Variants in BEND3 observed in about 807,000 individuals in gnomAD.
BEND3 encodes the protein BEN domain-containing protein 3.
A neutral mutation model predicts 60.1 loss-of-function variants in BEND3; 13 were observed. The ratio of observed to expected loss-of-function variants is 0.22; its 90% CI spans 0.14 to 0.34. BEND3 has a LOEUF of 0.34. BEND3 is among the 10% of genes least tolerant of loss of function. The pLI, the probability that BEND3 is intolerant of heterozygous loss-of-function variation, is 1.00. For synonymous variants in BEND3, 497 were observed against 491.5 expected, an observed-to-expected ratio of 1.01 and a Z score of -0.15; for missense variants, 896 against 1,138.1, an observed-to-expected ratio of 0.79 and a Z score of 3.06.
At chr6:107,075,418 C>G (rs1189001881) in intron 3 of BEND3, among the ~76,000 whole-genome samples, 2 of 152,164 alleles carry the variant, frequency 1.3e-5, no homozygotes, top group African/African-American at 4.8e-5. Context: ...TGATTTATAA[C>G]TGTGGGTCAC....
chr6:107,102,489 C>T (rs1775722393), intron 1 of BEND3, among the ~76,000 whole-genome samples: 1 of 152,202 alleles, frequency 6.6e-6, no homozygotes, highest in South Asian at 2.1e-4. Flanking sequence ...CCCCAGAGGG[C>T]TCATGCAGCT....
chr6:107,091,142 A>T (rs1255370935), intron 3 of BEND3, among the ~76,000 whole-genome samples: 1 of 152,088 alleles, frequency 6.6e-6, no homozygotes, highest in Non-Finnish European at 1.5e-5. Context: ...TGAAAACTCA[A>T]TTTACCAAAA....
rs911665395 is a variant in BEND3 at position 107,067,185 on chromosome 6, C to T, written c.*1519G>A. 7 of 152,112 alleles carry T rather than the reference C, an allele frequency of 4.6e-5. No homozygotes were observed. The South Asian group carries it at 1.2e-3, about 27-fold the overall frequency. The allele number at this position is 152,112 out of a possible 1,614,324, so 9.4% of individuals were successfully genotyped here. Reference sequence around the variant, plus strand: ...TTCTTATCAGCTGAATGAAGAAAATCCAGATTGTTTCTGTTATCTCTGCAT... The same window carrying T: ...TTCTTATCAGCTGAATGAAGAAAATTCAGATTGTTTCTGTTATCTCTGCAT... On this transcript the variant is annotated 3_prime_UTR_variant, in exon 4 of 4. Transcript: ENST00000369042.
Position 107,069,135 on chromosome 6 carries a change from C to T in BEND3, c.2056G>A (p.Gly686Arg), listed in dbSNP as rs1214785199. The T allele has an allele frequency of 6.2e-7, 1 of 1,612,564 alleles. No individual in the cohort carries two copies. The highest frequency in any genetic ancestry group is 8.5e-7 in the Non-Finnish European group (1 of 1,179,998). The part of the protein sequence containing the change: ...NPERFREEFE[G>R]PPLPPERSSK... ...CTCCTCTCGGGGGGCAGTGGGGGCC[C>T]CTCAAACTCCTCCCGGAACCTCTCG... Residue 686 changes from glycine (G) to arginine (R), a missense_variant, in exon 4 of 4, where the codon GGG (glycine) becomes AGG (arginine). Coordinates refer to ENST00000369042, the MANE Select transcript of BEND3 (RefSeq NM_001367314.1).
intron 1 of BEND3, among the ~76,000 whole-genome samples, chr6:107,102,193 A>G (rs1775715224): frequency 6.6e-6 from 1 of 152,210 alleles, no homozygotes; most frequent in African/African-American, 2.4e-5. Context: ...TTTATCTGCC[A>G]TTATATTCGC....
intron 1 of BEND3, among the ~76,000 whole-genome samples, chr6:107,109,986 G>A (rs1394533423): frequency 1.3e-5 from 2 of 150,434 alleles, no homozygotes; most frequent in South Asian, 2.1e-4. Context: ...AGCTGTGATC[G>A]TGCCACTGCA....
intron 1 of BEND3, among the ~76,000 whole-genome samples, chr6:107,107,737 C>T (rs1286515991): frequency 1.3e-5 from 2 of 152,226 alleles, no homozygotes; most frequent in Non-Finnish European, 2.9e-5. Context: ...TCTGGGATTA[C>T]AGGTGTGAGC....
chr6:107,065,961 T>C lies in BEND3; in HGVS notation c.*2743A>G, dbSNP rs1269296095. The C allele has an allele frequency of 3.3e-5, 5 of 152,512 alleles. No homozygotes were observed. The highest frequency in any genetic ancestry group is 7.3e-5 in the Non-Finnish European group (5 of 68,036). 9.4% of individuals were successfully genotyped at this position (152,512 alleles called of 1,614,324 possible). A position where few individuals can be genotyped will look rare whatever the true frequency, so the allele number is the denominator to read the frequency against. ...AAGGGGGATGCGAACACTCAGTACA[T>C]TCGTGACTATCTTCATACATTCTTT... On this transcript the variant is annotated 3_prime_UTR_variant, in exon 4 of 4. Transcript: ENST00000369042.
intron 1 of BEND3, among the ~76,000 whole-genome samples, chr6:107,102,177 A>G (rs1382854719): frequency 6.6e-6 from 1 of 152,164 alleles, no homozygotes; most frequent in Admixed American, 6.6e-5. Context: ...TGAGAAGGGC[A>G]GTCTATTTAT....
rs1775448669 is a variant in BEND3, at chr6:107,090,309, A to G, written c.240+8242T>C. Among the ~76,000 whole-genome samples the G allele has an allele frequency of 2.6e-5, 4 of 152,274 alleles. No homozygotes were observed. In the South Asian group the frequency reaches 8.3e-4, roughly 32 times the overall value. ...GGTCGCACTGAGCCAAGATCGCACC[A>G]CTGCACTCCAGCCTGGACGACAGAG... On this transcript the variant is annotated intron_variant, in intron 3 of 3. Coordinates refer to ENST00000369042, the MANE Select transcript of BEND3 (RefSeq NM_001367314.1).
intron 3 of BEND3, among the ~76,000 whole-genome samples, chr6:107,097,324 G>A (rs1317212171): frequency 6.6e-6 from 1 of 151,204 alleles, no homozygotes. Flanking sequence ...CCAAGATCGC[G>A]CCATTGCACT....
rs1774944094 is a variant in BEND3, at chr6:107,070,320, A to G, written c.871T>C (p.Cys291Arg). 1.2e-6 allele frequency: 2 copies of G among 1,612,984 alleles called. No homozygotes were observed. The highest frequency in any genetic ancestry group is 1.3e-5 in the African/African-American group (1 of 74,932). ...AGCTTGCGCTTGGCCGCAAAGCCAC[A>G]GGCACTGCAGCCCCGGGAGAAGTCC... Reference protein sequence around the residue: ...DVDFSRGCSACGFAAKRKLES... With the variant: ...DVDFSRGCSARGFAAKRKLES... The change falls in exon 4 of 4, where the codon TGT becomes CGT. Residue 291 changes from cysteine to arginine, a missense_variant. This residue lies in a region of BEND3 where 846 missense variants were observed against 1,036.7 expected (regional missense o/e 0.82). Transcript: ENST00000369042. This position sits in a 1 kb window ranked among gnomAD's most constrained non-coding sequence, Gnocchi z 6.9.
chr6:107,068,647 A>C lies in BEND3; in HGVS notation c.*57T>G. On this transcript the variant is annotated 3_prime_UTR_variant, in exon 4 of 4. Transcript: ENST00000369042. This position sits in a 1 kb window ranked among gnomAD's most constrained non-coding sequence, Gnocchi z 5.8. ...TGCTCCCAAGTATTGCTCAGTCCCA[A>C]GGGTGCCCATCGCTCAGCCTCTGGT... 6.4e-7 allele frequency: 1 copy of C among 1,567,424 alleles called. No homozygotes were observed. The highest frequency in any genetic ancestry group is 8.7e-7 in the Non-Finnish European group (1 of 1,155,612).
chr6:107,108,889 C>CT (rs1175561463), intron 1 of BEND3, among the ~76,000 whole-genome samples: 1 of 152,162 alleles, frequency 6.6e-6, no homozygotes, highest in Admixed American at 6.5e-5. Flanking sequence ...CTCTGCAACT[C>CT]TGCATCCCGC....
intron 1 of BEND3, among the ~76,000 whole-genome samples, chr6:107,099,911 C>T (rs1554236556): frequency 2.0e-5 from 3 of 151,836 alleles, no homozygotes; most frequent in African/African-American, 7.3e-5. Context: ...CTCTTTTCAC[C>T]CTGGCTGGAG....
rs1303700038 is a variant in BEND3, at chr6:107,070,432, G to C, written c.759C>G (p.Leu253=). 1 of 1,614,104 alleles carries C rather than the reference G, an allele frequency of 6.2e-7. No individual in the cohort carries two copies. The highest frequency in any genetic ancestry group is 8.5e-7 in the Non-Finnish European group (1 of 1,180,030). The change falls in exon 4 of 4, where the codon CTC becomes CTG. Residue 253 remains leucine (L), a synonymous_variant. Transcript: ENST00000369042. The surrounding 1 kb of genome is among the most constrained non-coding windows in gnomAD (Gnocchi z 6.9). The part of the protein sequence containing the change: ...PPEYQLTAAE[L]KQIVDQSLSG... ...ACAGGCTCTGGTCCACGATCTGCTT[G>C]AGCTCTGCGGCTGTGAGCTGGTACT...
chr6:107,078,104 A>G (rs1240842291), intron 3 of BEND3, among the ~76,000 whole-genome samples: 2 of 152,258 alleles, frequency 1.3e-5, no homozygotes, highest in African/African-American at 2.4e-5. Flanking sequence ...GAGGTGCCAA[A>G]TAAGTCTTTA....
chr6:107,097,375 A>G (rs1775607335), intron 3 of BEND3, among the ~76,000 whole-genome samples: 2 of 146,926 alleles, frequency 1.4e-5, no homozygotes, highest in Admixed American at 6.8e-5. Flanking sequence ...CTCAAAGATG[A>G]AAAAAAAAAA....
At chr6:107,099,905 T>C (rs1775669799) in intron 1 of BEND3, among the ~76,000 whole-genome samples, 1 of 152,026 alleles carries the variant, frequency 6.6e-6, no homozygotes, top group Non-Finnish European at 1.5e-5. Context: ...GTCTCACTCT[T>C]TTCACCCTGG....
Sources: gnomAD v4.1 joint callset for allele counts (sites outside exome capture counted in the v4.1 genomes callset) on GRCh38, gnomAD v4.1.1 for gene constraint, gnomAD v4.1.1 regional missense constraint, Gnocchi (gnomAD v3.1) non-coding constraint, MANE v1.5 for transcripts, NCBI Gene and HGNC (gene_info 2026-07-23, HGNC 2026-07-21) for gene names.